The following TENM2 variants were observed in gnomAD, a reference collection of about 807,000 sequenced individuals.
TENM2 encodes the protein teneurin transmembrane protein 2.
TENM2 carries 52 observed loss-of-function variants against 245.2 expected under a neutral mutation model. That is an observed-to-expected ratio of 0.21 (90% confidence interval 0.17 to 0.27). The LOEUF (loss-of-function observed/expected upper bound fraction) is 0.27, where lower values mean the gene tolerates loss of function less well. Ranked by LOEUF, TENM2 falls within the 10% of genes least tolerant of loss-of-function variation. The pLI is 1.00. For synonymous variants in TENM2, 1,363 were observed against 1,438.9 expected, an observed-to-expected ratio of 0.95 and a Z score of 1.19; for missense variants, 3,046 against 3,666.8, an observed-to-expected ratio of 0.83 and a Z score of 4.37.
chr5:167,929,903 G>A (rs563563316), intron 3 of TENM2, among the ~76,000 whole-genome samples: 85 of 152,296 alleles, frequency 5.6e-4, no homozygotes, highest in South Asian at 1.5e-3. Flanking sequence ...GAGTTGTTGT[G>A]CCTCAGATAG....
At position 167,357,233 on chromosome 5, in the gene TENM2, T is replaced by C. The variant is rs184606314; in HGVS notation, c.227-17965T>C. Among the ~76,000 whole-genome samples the C allele has an allele frequency of 1.6e-3, 251 of 152,230 alleles. 2 individuals are homozygous for C. Among genetic ancestry groups the C allele is most frequent in the South Asian group, 0.013 (64 of 4,822 alleles). Reference sequence around the variant, plus strand: ...TATAACTTATACTTCAGGAATAACATGGTCCACATGGAGCACAGAGCCCTC... The same window carrying C: ...TATAACTTATACTTCAGGAATAACACGGTCCACATGGAGCACAGAGCCCTC... On this transcript the variant is annotated intron_variant, in intron 1 of 28. Coordinates refer to ENST00000518659, the Ensembl canonical transcript of TENM2.
intron 13 of TENM2, among the ~76,000 whole-genome samples, chr5:168,179,836 T>C (rs1056030490): frequency 6.6e-6 from 1 of 152,174 alleles, no homozygotes; most frequent in Non-Finnish European, 1.5e-5. Context: ...AAGGCATGCG[T>C]TTAAAGTACC....
At chr5:167,783,715 C>G (rs764718730) in intron 2 of TENM2, among the ~76,000 whole-genome samples, 3 of 152,092 alleles carry the variant, frequency 2.0e-5, no homozygotes, top group Non-Finnish European at 2.9e-5. Context: ...TTTAGCATTA[C>G]GAAACCATCA....
intron 20 of TENM2, 29 bp from the exon 23 acceptor site, chr5:168,215,011 C>G (rs770515840): frequency 1.2e-6 from 2 of 1,603,234 alleles, no homozygotes; most frequent in Non-Finnish European, 1.7e-6. Flanking sequence ...GCCCCCTCCT[C>G]ATTTCTCTTT....
At chr5:167,454,827 T>C (rs1300889022) in intron 2 of TENM2, among the ~76,000 whole-genome samples, 3 of 152,198 alleles carry the variant, frequency 2.0e-5, no homozygotes, top group Non-Finnish European at 4.4e-5. Flanking sequence ...TCTGAATCAC[T>C]ATGGCTATGA....
chr5:167,532,826 G>GTATATATATATATATA (rs148505748), intron 2 of TENM2, among the ~76,000 whole-genome samples: 16 of 144,516 alleles, frequency 1.1e-4, no homozygotes, highest in African/African-American at 4.1e-4. Flanking sequence ...GTGTGTGTGT[G>GTATATATATATATATA]TATATATATA....
intron 28 of TENM2, among the ~76,000 whole-genome samples, 163 bp from the exon 31 acceptor site, chr5:168,261,886 C>T (rs1476638151): frequency 1.3e-5 from 2 of 152,188 alleles, no homozygotes; most frequent in East Asian, 3.9e-4. Context: ...GGTAATCAAC[C>T]AGCCAACCAT....
the TENM2 span, among the ~76,000 whole-genome samples, chr5:167,159,534 GC>G: frequency 6.6e-6 from 1 of 151,898 alleles, no homozygotes; most frequent in Non-Finnish European, 1.5e-5. Context: ...CTAGATTTAA[GC>G]ATTTCACAAT....
the TENM2 span, among the ~76,000 whole-genome samples, chr5:166,997,090 G>C: frequency 6.6e-6 from 1 of 152,150 alleles, no homozygotes; most frequent in Non-Finnish European, 1.5e-5. Context: ...AGAAACATGT[G>C]TGTAATACTA....
intron 2 of TENM2, among the ~76,000 whole-genome samples, chr5:167,746,710 A>AGAGAGAGAGAGAGAGAGCGAGCGAGC (rs761614775): frequency 6.9e-6 from 1 of 144,862 alleles, no homozygotes; most frequent in Non-Finnish European, 1.5e-5. Context: ...AGAGAGAGAG[A>AGAGAGAGAGAGAGAGAGCGAGCGAGC]GAGAGCTGGA....
chr5:167,749,566 A>G (rs961388195), intron 2 of TENM2, among the ~76,000 whole-genome samples: 1 of 151,952 alleles, frequency 6.6e-6, no homozygotes, highest in Admixed American at 6.6e-5. Context: ...TGAAACCGGA[A>G]GGCAGAGGTT....
chr5:167,106,325 A>G, the TENM2 span, among the ~76,000 whole-genome samples: 2 of 152,214 alleles, frequency 1.3e-5, no homozygotes, highest in Non-Finnish European at 2.9e-5. Flanking sequence ...CTACCACTGA[A>G]TGTGAGGGAC....
At position 167,789,186 on chromosome 5, in the gene TENM2, CA is replaced by C. The variant is rs1449526090; in HGVS notation, c.503-86795del. Among the ~76,000 whole-genome samples the C allele has an allele frequency of 2.6e-5, 4 of 152,276 alleles. No homozygotes were observed. In the East Asian group the frequency reaches 7.7e-4, roughly 29 times the overall value. On this transcript the variant is annotated intron_variant, in intron 2 of 28. Transcript: ENST00000518659. The stretch of plus-strand genomic sequence containing the variant: ...CTAGGCCTCGAAAATAATTTCTAGA[CA>C]AAAATTTGCAACCACTTGAAATCCA...
the TENM2 span, among the ~76,000 whole-genome samples, chr5:167,107,581 A>G: frequency 6.2e-3 from 937 of 152,334 alleles, 4 homozygotes; most frequent in African/African-American, 0.021. Context: ...ATGAACTTTG[A>G]CAAATGAAGT....
intron 17 of TENM2, among the ~76,000 whole-genome samples, chr5:168,200,424 G>C (rs1761834039): frequency 6.6e-6 from 1 of 152,216 alleles, no homozygotes; most frequent in African/African-American, 2.4e-5. Context: ...TTTAGGGAAG[G>C]CTCCTCTGCA....
chr5:167,353,649 A>G (rs1289935321), intron 1 of TENM2, among the ~76,000 whole-genome samples: 1 of 149,382 alleles, frequency 6.7e-6, no homozygotes, highest in Non-Finnish European at 1.5e-5. Flanking sequence ...CTGGGACAAC[A>G]GGCGCCCGCC....
chr5:168,040,450 C>T (rs1189643857), intron 5 of TENM2, among the ~76,000 whole-genome samples: 1 of 152,082 alleles, frequency 6.6e-6, no homozygotes, highest in Non-Finnish European at 1.5e-5. Context: ...AGAACATTCT[C>T]GGGAGATAGG....
At chr5:167,778,903 A>C (rs1287930561) in intron 2 of TENM2, among the ~76,000 whole-genome samples, 1 of 152,188 alleles carries the variant, frequency 6.6e-6, no homozygotes, top group Non-Finnish European at 1.5e-5. Context: ...TAATGGTAAG[A>C]TCTTACCTTG....
intron 3 of TENM2, among the ~76,000 whole-genome samples, chr5:167,916,911 G>A (rs1412753062): frequency 2.6e-5 from 4 of 152,126 alleles, no homozygotes; most frequent in African/African-American, 7.2e-5. Flanking sequence ...CCCTCACGTG[G>A]TTTTGGTGTT....
Sources: gnomAD v4.1 joint callset for allele counts (sites outside exome capture counted in the v4.1 genomes callset) on GRCh38, gnomAD v4.1.1 for gene constraint, MANE v1.5 for transcripts, NCBI Gene and HGNC (gene_info 2026-07-23, HGNC 2026-07-21) for gene names.